RBFOX1: variants seen among roughly 807,000 people sequenced by gnomAD.
RBFOX1 encodes RNA binding fox-1 homolog 1.
A neutral mutation model predicts 57.7 loss-of-function variants in RBFOX1; 8 were observed. That is an observed-to-expected ratio of 0.14 (90% CI 0.08 to 0.25). The LOEUF (loss-of-function observed/expected upper bound fraction) is 0.25. RBFOX1 is among the 10% of genes least tolerant of loss of function. RBFOX1 has a pLI of 1.00. For missense variants in RBFOX1, 611 were observed against 548.5 expected, an observed-to-expected ratio of 1.11 and a Z score of -1.14; for synonymous variants, 326 against 222.4, an observed-to-expected ratio of 1.47 and a Z score of -4.15.
chr16:6,693,564 C>T lies in RBFOX1; in HGVS notation c.-16+38914C>T, dbSNP rs553375709. Among the ~76,000 whole-genome samples, 3 of 151,956 alleles carry T rather than the reference C, an allele frequency of 2.0e-5. No homozygotes were observed. In the East Asian group the frequency reaches 5.8e-4, roughly 30 times the overall value. Reference sequence around the variant, plus strand: ...CAACATCATCTTCCTCCACTGCCATCACCACCATCATCATCGTCATCATCC... The same window carrying T: ...CAACATCATCTTCCTCCACTGCCATTACCACCATCATCATCGTCATCATCC... On this transcript the variant is annotated intron_variant, in intron 3 of 15. Coordinates refer to ENST00000550418, the MANE Select transcript of RBFOX1 (RefSeq NM_018723.4).
At chr16:6,980,087 AG>A (rs2088287668) in intron 3 of RBFOX1, among the ~76,000 whole-genome samples, 1 of 152,164 alleles carries the variant, frequency 6.6e-6, no homozygotes, top group Non-Finnish European at 1.5e-5. Flanking sequence ...CCCTGGTGTT[AG>A]AGTGTAGTAG....
At chr16:5,654,554 T>C (rs889592561) in intron 3 of RBFOX1, among the ~76,000 whole-genome samples, 1 of 152,150 alleles carries the variant, frequency 6.6e-6, no homozygotes, top group Non-Finnish European at 1.5e-5. Flanking sequence ...CAGGACTTTC[T>C]GGTTCAAGCC....
chr16:7,356,604 A>C (rs539594655), intron 4 of RBFOX1, among the ~76,000 whole-genome samples: 1 of 152,352 alleles, frequency 6.6e-6, no homozygotes, highest in Non-Finnish European at 1.5e-5. Context: ...TGCAGTAAGA[A>C]GCCACTGGAA....
At chr16:5,410,200 C>G (rs1319920847) in intron 1 of RBFOX1, among the ~76,000 whole-genome samples, 1 of 149,370 alleles carries the variant, frequency 6.7e-6, no homozygotes, top group African/African-American at 2.5e-5. Flanking sequence ...ACTGTCTCTA[C>G]AAAAGAAAAA....
intron 1 of RBFOX1, among the ~76,000 whole-genome samples, chr16:6,121,038 T>C (rs895240669): frequency 1.3e-5 from 2 of 152,254 alleles, no homozygotes; most frequent in Non-Finnish European, 2.9e-5. Flanking sequence ...TTCTACTTTA[T>C]GATTTATTCA....
chr16:6,851,760 CAGA>C (rs2094079260), intron 3 of RBFOX1, among the ~76,000 whole-genome samples: 1 of 152,052 alleles, frequency 6.6e-6, no homozygotes, highest in Non-Finnish European at 1.5e-5. Flanking sequence ...AACTCACAGG[CAGA>C]AGGACTGGCA....
chr16:5,561,606 C>T (rs760127472), intron 2 of RBFOX1, among the ~76,000 whole-genome samples: 1 of 152,168 alleles, frequency 6.6e-6, no homozygotes, highest in Non-Finnish European at 1.5e-5. Context: ...GTTTTAAATA[C>T]ATTTCCAATC....
chr16:7,484,502 A>T (rs1001607595), intron 4 of RBFOX1, among the ~76,000 whole-genome samples: 36 of 152,178 alleles, frequency 2.4e-4, no homozygotes, highest in African/African-American at 8.7e-4. Context: ...TCACTCTGTC[A>T]CCCAGGCTGT....
At chr16:5,316,261 C>T (rs947963293) in intron 1 of RBFOX1, among the ~76,000 whole-genome samples, 1 of 152,232 alleles carries the variant, frequency 6.6e-6, no homozygotes, top group Non-Finnish European at 1.5e-5. Flanking sequence ...AAGATCTGTG[C>T]CTTCTCAGAT....
chr16:5,329,982 CAAAAAAAAA>C (rs71142613), intron 1 of RBFOX1, among the ~76,000 whole-genome samples: 128,855 of 144,754 alleles, frequency 0.89, 58,645 homozygotes, highest in East Asian at 1. Flanking sequence ...GACTCTGTCT[CAAAAAAAAA>C]AAAAAAAAAA....
chr16:6,779,125 A>G (rs189940685), intron 3 of RBFOX1, among the ~76,000 whole-genome samples: 4 of 151,902 alleles, frequency 2.6e-5, no homozygotes, highest in South Asian at 4.2e-4. Context: ...ATCTAATTGT[A>G]TTTTTGTACC....
chr16:5,707,580 C>T (rs2051300324), intron 3 of RBFOX1, among the ~76,000 whole-genome samples: 1 of 152,176 alleles, frequency 6.6e-6, no homozygotes, highest in African/African-American at 2.4e-5. Flanking sequence ...CCCAACACTC[C>T]AGCTATAAGT....
intron 3 of RBFOX1, chr16:6,773,827 G>A (rs1350940888): frequency 8.9e-6 from 3 of 337,208 alleles, no homozygotes; most frequent in Non-Finnish European, 1.3e-5. Flanking sequence ...GTGTTGTGGG[G>A]GCATGGGGTG....
At chr16:5,581,137 G>A (rs1484405338) in intron 2 of RBFOX1, among the ~76,000 whole-genome samples, 1 of 152,132 alleles carries the variant, frequency 6.6e-6, no homozygotes, top group African/African-American at 2.4e-5. Flanking sequence ...AGGAGAAGGG[G>A]GCAGGGCTTT....
At chr16:7,509,771 G>A (rs11647446) in intron 4 of RBFOX1, among the ~76,000 whole-genome samples, 23,574 of 151,940 alleles carry the variant, frequency 0.16, 1,936 homozygotes, top group East Asian at 0.29. Flanking sequence ...TCCATCCTCT[G>A]TCTCTTCCCT....
rs184107302 is a variant in RBFOX1, at chr16:6,673,908, G to A, written c.-16+19258G>A. On this transcript the variant is annotated intron_variant, in intron 3 of 15. Transcript: ENST00000550418. ...CTTGTTGGAGGAAGTGCCATATTGG[G>A]AGGATCCTGAAAGACTGGCCAGGTG... Among the ~76,000 whole-genome samples the A allele has an allele frequency of 2.4e-3, 369 of 152,308 alleles. 2 individuals are homozygous for A. The highest frequency in any genetic ancestry group is 3.6e-3 in the Non-Finnish European group (245 of 68,032).
chr16:6,437,976 G>A (rs1381783418), intron 2 of RBFOX1, among the ~76,000 whole-genome samples: 1 of 152,114 alleles, frequency 6.6e-6, no homozygotes, highest in African/African-American at 2.4e-5. Context: ...GATGGGACAA[G>A]GAAACTGCCA....
intron 4 of RBFOX1, among the ~76,000 whole-genome samples, chr16:7,086,822 T>C (rs1472893287): frequency 6.6e-6 from 1 of 152,142 alleles, no homozygotes; most frequent in Non-Finnish European, 1.5e-5. Flanking sequence ...TGCTAGCAAG[T>C]CTTCTTGAAG....
At chr16:5,291,677 A>T (rs1468489187) in intron 1 of RBFOX1, among the ~76,000 whole-genome samples, 2 of 152,220 alleles carry the variant, frequency 1.3e-5, no homozygotes, top group Non-Finnish European at 2.9e-5. Context: ...GCAGATTGTC[A>T]CAGGGCCAGG....
Sources: allele counts gnomAD v4.1 joint callset (sites outside exome capture counted in the v4.1 genomes callset), GRCh38; gene constraint gnomAD v4.1.1; transcripts MANE v1.5; gene names NCBI Gene and HGNC (gene_info 2026-07-23, HGNC 2026-07-21).